The following HDAC4 variants were observed in gnomAD, a reference collection of about 807,000 sequenced individuals.
HDAC4 encodes histone deacetylase A.
In HDAC4, 16 loss-of-function variants were observed where a neutral mutation model predicts 135.1. The observed-to-expected ratio is 0.12, with a 90% CI of 0.08 to 0.18. The LOEUF is 0.18. Among genes scored for constraint, HDAC4 ranks in the 10% least tolerant of loss-of-function variants. The pLI is 1.00. For missense variants in HDAC4, 1,143 were observed against 1,511.8 expected (o/e 0.76, Z 4.05); for synonymous variants, 685 against 653.4 (o/e 1.05, Z -0.74).
chr2:239,251,487 T>C lies in HDAC4; in HGVS notation c.23-14823A>G, dbSNP rs139923136. 9.9e-3 allele frequency among the ~76,000 whole-genome samples: 1,508 copies of C among 152,222 alleles called. 13 individuals are homozygous for C. The highest frequency in any genetic ancestry group is 0.016 in the Non-Finnish European group (1,079 of 67,994). ...GCGTGTGACTGTAGTCCCAGCTACT[T>C]GGGAGGCTGAGGCACGAGGATCTCT... On this transcript the variant is annotated intron_variant, in intron 2 of 26. Transcript: ENST00000543185.
Position 239,202,578 on chromosome 2 carries a change from CA to C in HDAC4, c.95-12502del, listed in dbSNP as rs2045823098. On this transcript the variant is annotated intron_variant, in intron 3 of 26. Coordinates refer to ENST00000543185, the MANE Select transcript of HDAC4 (RefSeq NM_001378414.1). ...TGGCATGGGTGTGGCTGGTATTCAA[CA>C]CAGGACTCTGGGAGAAGGGCTGGCA... Among the ~76,000 whole-genome samples the C allele has an allele frequency of 4.6e-5, 7 of 152,052 alleles. No homozygotes were observed. The South Asian group carries it at 1.5e-3, about 32-fold the overall frequency.
At chr2:239,061,211 C>T (rs1002885706) in intron 24 of HDAC4, among the ~76,000 whole-genome samples, 1 of 151,772 alleles carries the variant, frequency 6.6e-6, no homozygotes, top group Non-Finnish European at 1.5e-5. Flanking sequence ...GGTATGTGTG[C>T]GTGTGTGGTG....
chr2:239,311,017 T>C (rs574957902), intron 2 of HDAC4, among the ~76,000 whole-genome samples: 1 of 152,366 alleles, frequency 6.6e-6, no homozygotes, highest in South Asian at 2.1e-4. Context: ...CTTTTAAACA[T>C]TCTGCTGAGA....
intron 14 of HDAC4, 82 bp from the exon 15 acceptor site, chr2:239,108,265 G>C: frequency 6.6e-7 from 1 of 1,505,206 alleles, no homozygotes; most frequent in Non-Finnish European, 9.0e-7. Flanking sequence ...CCCGGGTGGT[G>C]GCGGAACCAC....
intron 2 of HDAC4, among the ~76,000 whole-genome samples, chr2:239,256,423 G>GA (rs1210362767): frequency 3.3e-5 from 5 of 152,224 alleles, no homozygotes; most frequent in Non-Finnish European, 7.3e-5. Context: ...ACACATGGGG[G>GA]AAAGGACAGG....
chr2:239,213,231 G>A (rs576535974), intron 3 of HDAC4, among the ~76,000 whole-genome samples: 1 of 23,024 alleles, frequency 4.3e-5, no homozygotes, highest in African/African-American at 2.2e-4. Flanking sequence ...AGGGGCCAGG[G>A]AGGGGCGGGC....
At chr2:239,195,033 C>A (rs2045281385) in intron 3 of HDAC4, among the ~76,000 whole-genome samples, 1 of 152,234 alleles carries the variant, frequency 6.6e-6, no homozygotes, top group Non-Finnish European at 1.5e-5. Flanking sequence ...CAGCCACCTT[C>A]TGCTGAGAAG....
chr2:239,388,734 C>T (rs907253391), intron 1 of HDAC4, among the ~76,000 whole-genome samples: 3 of 152,228 alleles, frequency 2.0e-5, no homozygotes, highest in South Asian at 2.1e-4. Flanking sequence ...CCCTTCCTGG[C>T]CCCCACTCCC....
chr2:239,348,479 CCTTAA>C (rs1692880050), intron 2 of HDAC4, among the ~76,000 whole-genome samples: 3 of 152,230 alleles, frequency 2.0e-5, no homozygotes, highest in African/African-American at 7.2e-5. Flanking sequence ...TATCCTAAGC[CCTTAA>C]CCACAAGGAA....
intron 5 of HDAC4, among the ~76,000 whole-genome samples, chr2:239,170,794 G>A (rs771878240): frequency 1.1e-4 from 17 of 152,164 alleles, no homozygotes; most frequent in Non-Finnish European, 2.1e-4. Flanking sequence ...CCACCCTCGG[G>A]TAGCCTGTTC....
intron 14 of HDAC4, among the ~76,000 whole-genome samples, chr2:239,109,892 C>T (rs1159819681): frequency 3.9e-5 from 6 of 152,136 alleles, no homozygotes; most frequent in Non-Finnish European, 5.9e-5. Flanking sequence ...CTGGAACTTA[C>T]GAGGCAGACA....
rs751068418 is a variant in HDAC4 at position 239,090,002 on chromosome 2, G to T, written c.2388+7C>A. Reference sequence around the variant, plus strand: ...GGAGGGCCACCACTGTCCAGGCCCCGACTGACCTTCAGCTCCCCTGTGGCC... The same window carrying T: ...GGAGGGCCACCACTGTCCAGGCCCCTACTGACCTTCAGCTCCCCTGTGGCC... On this transcript the variant is annotated splice_region_variant and intron_variant, in intron 18 of 26. Coordinates refer to ENST00000543185, the MANE Select transcript of HDAC4 (RefSeq NM_001378414.1). 8.1e-6 allele frequency: 13 copies of T among 1,605,948 alleles called. No homozygotes were observed. Among genetic ancestry groups the T allele is most frequent in the Non-Finnish European group, 1.1e-5 (13 of 1,172,894 alleles).
chr2:239,094,918 A>G (rs1378930027), intron 17 of HDAC4, 92 bp downstream of exon 17: 8 of 1,607,450 alleles, frequency 5.0e-6, no homozygotes, highest in South Asian at 1.1e-5. Context: ...GGCAGCAATT[A>G]TTCACTTTGA....
intron 1 of HDAC4, among the ~76,000 whole-genome samples, chr2:239,390,134 C>T (rs1011427734): frequency 1.1e-4 from 16 of 152,242 alleles, no homozygotes; most frequent in South Asian, 2.1e-4. Context: ...CTTCCTCCTC[C>T]GGCACTTTCT....
At chr2:239,105,718 G>C (rs994881175) in intron 15 of HDAC4, among the ~76,000 whole-genome samples, 7 of 152,164 alleles carry the variant, frequency 4.6e-5, no homozygotes, top group Admixed American at 4.6e-4. Context: ...TCTTGCTGTG[G>C]CCTCCAAGTG....
At chr2:239,131,595 G>A (rs2040590085) in intron 11 of HDAC4, among the ~76,000 whole-genome samples, 2 of 152,212 alleles carry the variant, frequency 1.3e-5, no homozygotes, top group South Asian at 4.1e-4. Flanking sequence ...TGGCTCTGGG[G>A]GCTGGCTGCG....
chr2:239,193,141 T>C (rs1196159329), intron 3 of HDAC4, among the ~76,000 whole-genome samples: 1 of 152,210 alleles, frequency 6.6e-6, no homozygotes, highest in Non-Finnish European at 1.5e-5. Context: ...GTGGGACCCC[T>C]GCTTATAAGA....
chr2:239,150,428 C>G (rs2042039473), intron 7 of HDAC4, among the ~76,000 whole-genome samples: 1 of 150,856 alleles, frequency 6.6e-6, no homozygotes, highest in Non-Finnish European at 1.5e-5. Context: ...GATACACACC[C>G]CACACACAGA....
intron 11 of HDAC4, among the ~76,000 whole-genome samples, chr2:239,132,543 G>A (rs1180609474): frequency 6.6e-6 from 1 of 152,196 alleles, no homozygotes; most frequent in Non-Finnish European, 1.5e-5. Context: ...CACAGAGCCT[G>A]GGCAGGGCAC....
Sources: gnomAD v4.1 joint callset for allele counts (sites outside exome capture counted in the v4.1 genomes callset) on GRCh38, gnomAD v4.1.1 for gene constraint, MANE v1.5 for transcripts, NCBI Gene and HGNC (gene_info 2026-07-23, HGNC 2026-07-21) for gene names.